The following RNF169 variants were observed in gnomAD, a reference collection of about 807,000 sequenced individuals.
RNF169 encodes the protein ring finger protein 169.
RNF169 carries 24 observed loss-of-function variants against 53.9 expected under a neutral mutation model. The ratio of observed to expected loss-of-function variants is 0.45; its 90% CI spans 0.32 to 0.63. The LOEUF (loss-of-function observed/expected upper bound fraction) is 0.63, where lower values mean the gene tolerates loss of function less well. Among genes scored for constraint, RNF169 ranks in the 20% least tolerant of loss-of-function variants. The pLI is 0.04. For synonymous variants in RNF169, 396 were observed against 363.5 expected (o/e 1.09, Z -1.02); for missense variants, 883 against 906.2 (o/e 0.97, Z 0.33).
At chr11:74,802,944 G>A (rs897136343) in intron 2 of RNF169, among the ~76,000 whole-genome samples, 3 of 151,726 alleles carry the variant, frequency 2.0e-5, no homozygotes, top group East Asian at 1.9e-4. Flanking sequence ...GGGTGGGGAC[G>A]GAGTCTTGCT....
intron 1 of RNF169, among the ~76,000 whole-genome samples, chr11:74,761,069 C>T (rs1446670377): frequency 3.1e-5 from 3 of 95,684 alleles, no homozygotes; most frequent in African/African-American, 4.3e-5. Context: ...TATGTAATGG[C>T]CTTCTTTGTC....
intron 3 of RNF169, among the ~76,000 whole-genome samples, chr11:74,812,430 GA>G (rs1289079904): frequency 4.6e-5 from 7 of 152,064 alleles, no homozygotes; most frequent in Non-Finnish European, 8.8e-5. Context: ...AAGTAGGTGG[GA>G]CCACAGCTGT....
intron 1 of RNF169, 98 bp downstream of exon 1, chr11:74,749,480 C>G: frequency 9.8e-7 from 1 of 1,021,504 alleles, no homozygotes; most frequent in South Asian, 4.4e-5. Flanking sequence ...CCTACTCGGG[C>G]GGGTGTGGAG....
In RNF169 at chr11:74,828,677, G is replaced by C. The variant is rs539865728; in HGVS notation, c.843-5999G>C. 2.6e-5 allele frequency among the ~76,000 whole-genome samples: 4 copies of C among 152,212 alleles called. No homozygotes were observed. In the South Asian group the frequency reaches 8.3e-4, roughly 32 times the overall value. On this transcript the variant is annotated intron_variant, in intron 4 of 5. Coordinates refer to ENST00000299563, the MANE Select transcript of RNF169 (RefSeq NM_001098638.2). ...CCAATGGAACAGAATAGAGAATCCA[G>C]AAATAAGACCACATACCTACAACCA...
intron 1 of RNF169, among the ~76,000 whole-genome samples, chr11:74,787,701 G>A (rs1015524213): frequency 6.6e-6 from 1 of 152,166 alleles, no homozygotes; most frequent in Non-Finnish European, 1.5e-5. Flanking sequence ...TTGCTGGCGG[G>A]ACTATAAATT....
chr11:74,751,920 G>A (rs1447949895), intron 1 of RNF169, among the ~76,000 whole-genome samples: 1 of 152,072 alleles, frequency 6.6e-6, no homozygotes, highest in Non-Finnish European at 1.5e-5. Flanking sequence ...AAACAAAAAT[G>A]TAACAAAGTA....
At chr11:74,831,073 C>T (rs2036170759) in intron 4 of RNF169, 1 of 152,150 alleles carries the variant, frequency 6.6e-6, no homozygotes, top group Non-Finnish European at 1.5e-5. Context: ...GAAAACTTTC[C>T]TCCCAGTAGC....
intron 4 of RNF169, among the ~76,000 whole-genome samples, chr11:74,823,593 C>T (rs188314482): frequency 3.2e-4 from 49 of 151,760 alleles, no homozygotes; most frequent in Admixed American, 3.0e-3. Context: ...AAAAATCAGC[C>T]GAGCATAGTG....
At chr11:74,805,695 T>G (rs2035793260) in intron 2 of RNF169, among the ~76,000 whole-genome samples, 3 of 152,182 alleles carry the variant, frequency 2.0e-5, no homozygotes, top group Admixed American at 2.0e-4. Flanking sequence ...TAAATTGAAC[T>G]GCATCAGAAC....
At chr11:74,825,932 G>A (rs2036088943) in intron 4 of RNF169, among the ~76,000 whole-genome samples, 1 of 152,168 alleles carries the variant, frequency 6.6e-6, no homozygotes, top group Non-Finnish European at 1.5e-5. Context: ...GAGGCCTCAG[G>A]AAACTTACAA....
intron 1 of RNF169, among the ~76,000 whole-genome samples, chr11:74,787,907 T>C (rs2135078940): frequency 6.6e-6 from 1 of 152,342 alleles, no homozygotes; most frequent in Non-Finnish European, 1.5e-5. Flanking sequence ...GTTGCCTGTA[T>C]TTAGAACTTT....
chr11:74,798,039 A>T (rs2035674141), intron 2 of RNF169, among the ~76,000 whole-genome samples: 1 of 152,174 alleles, frequency 6.6e-6, no homozygotes. Flanking sequence ...TTAATCTCTT[A>T]ATCCTGTCAG....
intron 4 of RNF169, among the ~76,000 whole-genome samples, chr11:74,825,383 G>A (rs557009032): frequency 8.5e-5 from 13 of 152,218 alleles, no homozygotes; most frequent in African/African-American, 2.9e-4. Flanking sequence ...AGAGAAATTA[G>A]AAAATACTTT....
intron 4 of RNF169, among the ~76,000 whole-genome samples, chr11:74,822,716 G>T (rs1442271222): frequency 6.6e-6 from 1 of 152,204 alleles, no homozygotes; most frequent in East Asian, 1.9e-4. Context: ...TAGAGTCTCT[G>T]TGTGGATTAA....
intron 4 of RNF169, among the ~76,000 whole-genome samples, chr11:74,819,166 G>C (rs981056404): frequency 6.6e-6 from 1 of 151,720 alleles, no homozygotes; most frequent in Non-Finnish European, 1.5e-5. Context: ...TCTGGCACAT[G>C]CTAAGTCTTC....
chr11:74,772,454 T>A (rs1181148599), intron 1 of RNF169, among the ~76,000 whole-genome samples: 1 of 149,776 alleles, frequency 6.7e-6, no homozygotes, highest in Non-Finnish European at 1.5e-5. Flanking sequence ...AAATGTTAAT[T>A]TACTACTAGG....
intron 1 of RNF169, among the ~76,000 whole-genome samples, chr11:74,787,946 C>CT (rs1293042143): frequency 6.6e-6 from 1 of 151,936 alleles, no homozygotes; most frequent in East Asian, 1.9e-4. Context: ...TATCTTCTCT[C>CT]TTTTTTTTCT....
At chr11:74,828,094 A>C (rs2036125794) in intron 4 of RNF169, among the ~76,000 whole-genome samples, 1 of 152,220 alleles carries the variant, frequency 6.6e-6, no homozygotes, top group South Asian at 2.1e-4. Flanking sequence ...CCATTGTCCC[A>C]GCCCAAAAGC....
At chr11:74,773,970 C>A (rs1200574519) in intron 1 of RNF169, among the ~76,000 whole-genome samples, 3 of 152,208 alleles carry the variant, frequency 2.0e-5, no homozygotes, top group Non-Finnish European at 4.4e-5. Flanking sequence ...GCACATACCA[C>A]ATATTTGTGC....
Sources: allele counts gnomAD v4.1 joint callset (sites outside exome capture counted in the v4.1 genomes callset), GRCh38; gene constraint gnomAD v4.1.1; transcripts MANE v1.5; gene names NCBI Gene and HGNC (gene_info 2026-07-23, HGNC 2026-07-21).